The following ADARB1 variants were observed in gnomAD, a reference collection of about 807,000 sequenced individuals.
ADARB1 encodes the protein double-stranded RNA-specific editase 1.
A neutral mutation model predicts 52.4 loss-of-function variants in ADARB1; 10 were observed. The ratio of observed to expected loss-of-function variants is 0.19; its 90% confidence interval spans 0.12 to 0.32. ADARB1 has a LOEUF of 0.32. ADARB1 is among the 10% of genes least tolerant of loss of function. The pLI is 1.00. For synonymous variants in ADARB1, 349 were observed against 371.1 expected, an observed-to-expected ratio of 0.94 and a Z score of 0.68; for missense variants, 643 against 922.3, an observed-to-expected ratio of 0.70 and a Z score of 3.92.
intron 2 of ADARB1, among the ~76,000 whole-genome samples, chr21:45,148,804 G>A (rs2090136894): frequency 6.6e-6 from 1 of 152,130 alleles, no homozygotes; most frequent in South Asian, 2.1e-4. Flanking sequence ...CAGCTCCCTG[G>A]CCTGGCGAGA....
Position 45,222,288 on chromosome 21 carries a change from C to G in ADARB1, c.*91C>G. 2 of 1,435,086 alleles carry G rather than the reference C, an allele frequency of 1.4e-6. No homozygotes were observed. Among genetic ancestry groups the G allele is most frequent in the Non-Finnish European group, 1.8e-6 (2 of 1,099,606 alleles). 88.9% of individuals were successfully genotyped at this position (1,435,086 alleles called of 1,614,324 possible). A position where few individuals can be genotyped will look rare whatever the true frequency, so the allele number is the denominator to read the frequency against. ...CATCTGAACTGGGGGCAGGTGCATA[C>G]CTTGGGGAGGGAGTAGGGGGACACG... On this transcript the variant is annotated 3_prime_UTR_variant, in exon 11 of 11. Transcript: ENST00000348831.
chr21:45,094,903 C>T (rs2838778), intron 1 of ADARB1, among the ~76,000 whole-genome samples: 44,978 of 151,910 alleles, frequency 0.3, 7,730 homozygotes, highest in Non-Finnish European at 0.39. Context: ...CACTGAGAGG[C>T]GAGGTTTGCA....
At position 45,103,178 on chromosome 21, in the gene ADARB1, G is replaced by T. The variant is rs544283640; in HGVS notation, c.-219-25224G>T. Among the ~76,000 whole-genome samples the T allele has an allele frequency of 9.2e-5, 14 of 152,234 alleles. 1 individual carries two copies. The East Asian group carries it at 2.3e-3, about 25-fold the overall frequency. ...CATCTCAATGTCACGTGGGATCCTG[G>T]ACGACTGAATCTGACGAAAGTGTGG... is the stretch of plus-strand genomic sequence containing the variant. On this transcript the variant is annotated intron_variant, in intron 1 of 10. Transcript: ENST00000348831.
intron 8 of ADARB1, among the ~76,000 whole-genome samples, chr21:45,191,870 ATATATATATATTTTTTTTTTTT>A (rs1283515284): frequency 4.0e-3 from 47 of 11,630 alleles, no homozygotes; most frequent in Admixed American, 8.8e-3. Context: ...ATATATATAT[ATATATATATATTTTTTTTTTTT>A]TTTTTTTTTT....
intron 2 of ADARB1, among the ~76,000 whole-genome samples, chr21:45,167,186 C>T (rs561495497): frequency 7.6e-4 from 115 of 152,292 alleles, no homozygotes; most frequent in Non-Finnish European, 1.5e-3. Context: ...CTCGGCATGA[C>T]TATTTTCTAC....
At chr21:45,196,428 T>G (rs2092427581) in intron 8 of ADARB1, among the ~76,000 whole-genome samples, 1 of 152,200 alleles carries the variant, frequency 6.6e-6, no homozygotes, top group Admixed American at 6.5e-5. Context: ...GGAGATAATG[T>G]TTGTGACATT....
At chr21:45,207,762 G>A (rs1325111270) in intron 9 of ADARB1, among the ~76,000 whole-genome samples, 2 of 152,288 alleles carry the variant, frequency 1.3e-5, no homozygotes, top group Admixed American at 6.5e-5. Context: ...AGAGAGCGCG[G>A]TATGACAGCG....
intron 1 of ADARB1, among the ~76,000 whole-genome samples, chr21:45,127,550 C>A (rs112128257): frequency 1.2e-3 from 188 of 152,260 alleles, no homozygotes; most frequent in African/African-American, 4.5e-3. Flanking sequence ...GGAAGGTAGC[C>A]TCCAATCTCC....
chr21:45,159,628 G>A (rs1284799232), intron 2 of ADARB1, among the ~76,000 whole-genome samples: 3 of 152,188 alleles, frequency 2.0e-5, no homozygotes, highest in Non-Finnish European at 4.4e-5. Context: ...AGGGGTGGCC[G>A]CATCCCTCCA....
At chr21:45,139,148 T>C (rs545015187) in intron 2 of ADARB1, among the ~76,000 whole-genome samples, 7 of 152,238 alleles carry the variant, frequency 4.6e-5, no homozygotes, top group Admixed American at 2.0e-4. Context: ...CTTGAACTCC[T>C]GGGCTCAGGT....
intron 8 of ADARB1, among the ~76,000 whole-genome samples, chr21:45,195,091 T>C (rs537952834): frequency 6.6e-6 from 1 of 152,342 alleles, no homozygotes; most frequent in African/African-American, 2.4e-5. Context: ...GCAGTTCTGG[T>C]TTTGGGCCAT....
chr21:45,163,124 A>G (rs1601698911), intron 2 of ADARB1, among the ~76,000 whole-genome samples: 2 of 152,274 alleles, frequency 1.3e-5, no homozygotes, highest in Non-Finnish European at 2.9e-5. Context: ...CTGGGAAAAC[A>G]GTTGTTAATG....
chr21:45,214,016 G>A (rs574607810), intron 9 of ADARB1, among the ~76,000 whole-genome samples: 1 of 152,200 alleles, frequency 6.6e-6, no homozygotes, highest in Non-Finnish European at 1.5e-5. Context: ...CCACTAGTGT[G>A]CGGGAGTTGT....
At chr21:45,082,885 C>T (rs1173388480) in intron 1 of ADARB1, among the ~76,000 whole-genome samples, 2 of 152,240 alleles carry the variant, frequency 1.3e-5, no homozygotes, top group Non-Finnish European at 2.9e-5. Flanking sequence ...ACATGGAAGA[C>T]ATCACGTCAT....
At chr21:45,153,182 G>A (rs2090386753) in intron 2 of ADARB1, among the ~76,000 whole-genome samples, 1 of 152,138 alleles carries the variant, frequency 6.6e-6, no homozygotes, top group Admixed American at 6.5e-5. Flanking sequence ...CTTACATTCT[G>A]CACTCCAGGT....
At chr21:45,180,253 T>A (rs1184864809) in intron 4 of ADARB1, 77 bp from the exon 5 acceptor site, 1 of 996,918 alleles carries the variant, frequency 1.0e-6, no homozygotes, top group East Asian at 2.6e-5. Context: ...TAAGGGAGAG[T>A]GCGTGCAGCA....
chr21:45,096,411 G>A (rs138410550), intron 1 of ADARB1, among the ~76,000 whole-genome samples: 7 of 152,326 alleles, frequency 4.6e-5, no homozygotes, highest in African/African-American at 2.4e-5. Flanking sequence ...CAGCTGTGCC[G>A]GCCCTGCCTG....
intron 1 of ADARB1, among the ~76,000 whole-genome samples, chr21:45,108,169 A>T (rs2087344606): frequency 6.6e-6 from 1 of 152,246 alleles, no homozygotes; most frequent in Non-Finnish European, 1.5e-5. Context: ...TAAATGTTTT[A>T]AAAGTTGAGG....
intron 3 of ADARB1, among the ~76,000 whole-genome samples, chr21:45,174,375 A>G (rs922007585): frequency 4.6e-5 from 7 of 152,190 alleles, no homozygotes; most frequent in Non-Finnish European, 8.8e-5. Flanking sequence ...CTTTTTAAAA[A>G]GCTTGATGAA....
Sources: allele counts gnomAD v4.1 joint callset (sites outside exome capture counted in the v4.1 genomes callset), GRCh38; gene constraint gnomAD v4.1.1; transcripts MANE v1.5; gene names NCBI Gene and HGNC (gene_info 2026-07-23, HGNC 2026-07-21).